The following SNCAIP variants were observed in gnomAD, a reference collection of about 807,000 sequenced individuals.
The protein encoded by SNCAIP is synphilin-1.
A neutral mutation model predicts 86.7 loss-of-function variants in SNCAIP; 43 were observed. That is an observed-to-expected ratio of 0.50 (90% CI 0.39 to 0.64). The LOEUF is 0.64. SNCAIP is among the 30% of genes least tolerant of loss of function. SNCAIP has a pLI of 0.00. For synonymous variants in SNCAIP, 417 were observed against 427.2 expected, an observed-to-expected ratio of 0.98 and a Z score of 0.29; for missense variants, 981 against 1,103.1, an observed-to-expected ratio of 0.89 and a Z score of 1.57.
chr5:122,397,178 A>C (rs968696544), intron 2 of SNCAIP, among the ~76,000 whole-genome samples: 2 of 152,138 alleles, frequency 1.3e-5, no homozygotes. Context: ...GTCAGGATAT[A>C]ATGCAGGTAG....
At chr5:122,357,680 C>T (rs917626665) in intron 1 of SNCAIP, among the ~76,000 whole-genome samples, 1 of 146,920 alleles carries the variant, frequency 6.8e-6, no homozygotes, top group African/African-American at 2.5e-5. Context: ...TACTTATTTA[C>T]TTGTTCATGG....
intron 1 of SNCAIP, among the ~76,000 whole-genome samples, chr5:122,361,694 C>A (rs1247546464): frequency 6.6e-6 from 1 of 151,852 alleles, no homozygotes; most frequent in African/African-American, 2.4e-5. Flanking sequence ...AGAGCTCCAT[C>A]GATGCCTTAA....
intron 1 of SNCAIP, among the ~76,000 whole-genome samples, chr5:122,347,934 A>T (rs1286259289): frequency 1.3e-5 from 2 of 151,864 alleles, no homozygotes; most frequent in East Asian, 1.9e-4. Flanking sequence ...TTTATTTCCC[A>T]TTTTTTTGTT....
intron 1 of SNCAIP, among the ~76,000 whole-genome samples, chr5:122,346,128 T>G (rs975708618): frequency 3.3e-5 from 5 of 151,930 alleles, no homozygotes; most frequent in African/African-American, 1.2e-4. Flanking sequence ...ATATAATAGG[T>G]GATATGGAGG....
intron 1 of SNCAIP, among the ~76,000 whole-genome samples, chr5:122,363,796 T>C (rs1293748885): frequency 1.0e-4 from 1 of 9,726 alleles, no homozygotes; most frequent in East Asian, 3.3e-3. Context: ...AACTATTTAT[T>C]TATTTATTTA....
chr5:122,355,229 G>A (rs1227491015), intron 1 of SNCAIP, among the ~76,000 whole-genome samples: 1 of 152,070 alleles, frequency 6.6e-6, no homozygotes, highest in Non-Finnish European at 1.5e-5. Context: ...ATAAATTAAT[G>A]GTTAAGATCT....
At chr5:122,428,152 C>A (rs1308764493) in intron 5 of SNCAIP, among the ~76,000 whole-genome samples, 1 of 152,128 alleles carries the variant, frequency 6.6e-6, no homozygotes. Flanking sequence ...TCCCTTTTCA[C>A]TTCTCATTCA....
At chr5:122,385,386 A>G (rs990367406) in intron 1 of SNCAIP, among the ~76,000 whole-genome samples, 2 of 152,076 alleles carry the variant, frequency 1.3e-5, no homozygotes, top group Non-Finnish European at 2.9e-5. Context: ...TCTTGCCTCT[A>G]TCATTTTTCT....
chr5:122,449,734 CT>C (rs1783317502), intron 8 of SNCAIP, 110 bp from the exon 9 acceptor site: 2 of 826,612 alleles, frequency 2.4e-6, no homozygotes, highest in African/African-American at 3.3e-5. Flanking sequence ...CATTTTAAGG[CT>C]TTTGTATTTA....
chr5:122,428,743 A>G (rs1368431242), intron 5 of SNCAIP, among the ~76,000 whole-genome samples: 1 of 147,454 alleles, frequency 6.8e-6, no homozygotes, highest in African/African-American at 2.5e-5. Flanking sequence ...TCCCTTCCCC[A>G]TCCCCCCACC....
At chr5:122,323,691 G>A (rs926237540) in intron 1 of SNCAIP, among the ~76,000 whole-genome samples, 3 of 152,214 alleles carry the variant, frequency 2.0e-5, no homozygotes, top group South Asian at 2.1e-4. Context: ...GAGTTACCAC[G>A]AAAATAGAGT....
At chr5:122,326,366 C>A (rs1421725624) in intron 1 of SNCAIP, among the ~76,000 whole-genome samples, 1 of 152,162 alleles carries the variant, frequency 6.6e-6, no homozygotes, top group Non-Finnish European at 1.5e-5. Flanking sequence ...GTCATCTCAT[C>A]TGTAACTTAT....
chr5:122,313,675 AT>A (rs1320843932), intron 1 of SNCAIP, among the ~76,000 whole-genome samples: 4 of 152,370 alleles, frequency 2.6e-5, no homozygotes, highest in Admixed American at 2.6e-4. Context: ...TTTCTGATGC[AT>A]CTCAATGTTA....
At chr5:122,323,888 G>T (rs993859371) in intron 1 of SNCAIP, among the ~76,000 whole-genome samples, 3 of 152,060 alleles carry the variant, frequency 2.0e-5, no homozygotes, top group Non-Finnish European at 4.4e-5. Context: ...TCCCCTCCCT[G>T]CTTTGGCAAA....
intron 3 of SNCAIP, among the ~76,000 whole-genome samples, chr5:122,404,353 G>C (rs553174279): frequency 1.3e-4 from 20 of 152,226 alleles, no homozygotes; most frequent in African/African-American, 4.6e-4. Context: ...TAAAGCAAAG[G>C]CTTTGGAGTT....
intron 10 of SNCAIP, among the ~76,000 whole-genome samples, chr5:122,456,360 G>A (rs919361725): frequency 1.3e-5 from 2 of 152,198 alleles, no homozygotes; most frequent in African/African-American, 4.8e-5. Context: ...TGCTTCGCCA[G>A]TAGTGAGATG....
Position 122,444,754 on chromosome 5 carries a change from T to C in SNCAIP, c.1592+22T>C, listed in dbSNP as rs771431681. The C allele has an allele frequency of 5.8e-5, 93 of 1,598,040 alleles. 3 individuals carry two copies. In the Middle Eastern group the frequency reaches 1.7e-3, roughly 28 times the overall value. ...AGGAGTAAGTGGCCTGTTGGTTCCA[T>C]GAGAACCAAGTCTAACTCATTATTG... On this transcript the variant is annotated intron_variant, in intron 8 of 10. Transcript: ENST00000261368.
intron 1 of SNCAIP, among the ~76,000 whole-genome samples, chr5:122,339,437 A>G (rs1190039492): frequency 6.6e-6 from 1 of 152,246 alleles, no homozygotes; most frequent in Non-Finnish European, 1.5e-5. Flanking sequence ...TTCTTCTACA[A>G]GTGTCAAAAA....
intron 2 of SNCAIP, among the ~76,000 whole-genome samples, chr5:122,391,477 C>G (rs1240907559): frequency 6.6e-6 from 1 of 152,182 alleles, no homozygotes; most frequent in Non-Finnish European, 1.5e-5. Context: ...AGTATACTTA[C>G]AAAATGCAGC....
Sources: gnomAD v4.1 joint callset for allele counts (sites outside exome capture counted in the v4.1 genomes callset) on GRCh38, gnomAD v4.1.1 for gene constraint, MANE v1.5 for transcripts, NCBI Gene and HGNC (gene_info 2026-07-23, HGNC 2026-07-21) for gene names.